Variants in HDLBP observed in about 807,000 individuals in gnomAD.
HDLBP encodes high density lipoprotein binding protein, also known as vigilin.
A neutral mutation model predicts 137.3 loss-of-function variants in HDLBP; 30 were observed. The observed-to-expected ratio is 0.22, with a 90% CI of 0.16 to 0.30. HDLBP has a LOEUF of 0.30. Ranked by LOEUF, HDLBP falls within the 10% of genes least tolerant of loss-of-function variation. The pLI, the probability that HDLBP is intolerant of heterozygous loss-of-function variation, is 1.00. For missense variants in HDLBP, 1,119 were observed against 1,667.3 expected (o/e 0.67, Z 5.73); for synonymous variants, 606 against 596.0 (o/e 1.02, Z -0.24).
At position 241,255,369 on chromosome 2, in the gene HDLBP, G is replaced by A. The variant is rs774540981; in HGVS notation, c.1080+5C>T. 7 of 1,613,094 alleles carry A rather than the reference G, an allele frequency of 4.3e-6. No individual in the cohort carries two copies. In the East Asian group the frequency reaches 1.6e-4, roughly 36 times the overall value. On this transcript the variant is annotated splice_donor_5th_base_variant and intron_variant, in intron 8 of 27. Transcript: ENST00000310931. ...GAGACACACTTCATGCTCGGAGGCA[G>A]TTACCTTGGCATAGACTTCAGTCAA...
At chr2:241,232,598 A>G (rs1052379171) in intron 24 of HDLBP, among the ~76,000 whole-genome samples, 17 of 152,090 alleles carry the variant, frequency 1.1e-4, no homozygotes, top group Admixed American at 7.9e-4. Context: ...TAAGATTGAT[A>G]ATTATATAGA....
intron 1 of HDLBP, among the ~76,000 whole-genome samples, chr2:241,297,403 A>C (rs191614139): frequency 6.6e-6 from 1 of 152,352 alleles, no homozygotes; most frequent in African/African-American, 2.4e-5. Flanking sequence ...GAGAAACTAG[A>C]ATAAACCCTG....
intron 1 of HDLBP, among the ~76,000 whole-genome samples, chr2:241,296,798 A>T (rs2075198139): frequency 6.6e-6 from 1 of 152,254 alleles, no homozygotes; most frequent in African/African-American, 2.4e-5. Flanking sequence ...CATAACAAAA[A>T]ATAGAAATAT....
At chr2:241,265,457 T>TC (rs549788633) in intron 3 of HDLBP, among the ~76,000 whole-genome samples, 1 of 152,106 alleles carries the variant, frequency 6.6e-6, no homozygotes, top group African/African-American at 2.4e-5. Flanking sequence ...ACCGCTGATC[T>TC]CCCCCTGCCC....
chr2:241,247,968 G>A, intron 14 of HDLBP, 35 bp downstream of exon 14: 1 of 1,443,730 alleles, frequency 6.9e-7, no homozygotes, highest in Non-Finnish European at 9.8e-7. Flanking sequence ...CACCCCAGGT[G>A]CTGTCATACA....
At chr2:241,289,432 T>G (rs2074936669) in intron 1 of HDLBP, among the ~76,000 whole-genome samples, 1 of 152,162 alleles carries the variant, frequency 6.6e-6, no homozygotes, top group Non-Finnish European at 1.5e-5. Flanking sequence ...AATTCAACAT[T>G]AAACTGCACG....
intron 5 of HDLBP, among the ~76,000 whole-genome samples, chr2:241,257,605 A>C (rs901036971): frequency 6.6e-6 from 1 of 152,228 alleles, no homozygotes; most frequent in Non-Finnish European, 1.5e-5. Flanking sequence ...AGCCCAACAC[A>C]AGGTGGAGTA....
At chr2:241,278,453 C>A (rs2074478820) in intron 1 of HDLBP, among the ~76,000 whole-genome samples, 1 of 152,044 alleles carries the variant, frequency 6.6e-6, no homozygotes, top group South Asian at 2.1e-4. Flanking sequence ...CATGGTGGCA[C>A]ATGCCTGTAC....
At chr2:241,298,996 C>T (rs539323482) in intron 1 of HDLBP, among the ~76,000 whole-genome samples, 5 of 152,244 alleles carry the variant, frequency 3.3e-5, no homozygotes, top group South Asian at 4.2e-4. Context: ...AAGGCGGCAA[C>T]GCATTCATGT....
In HDLBP at chr2:241,230,309, C is replaced by T. The variant is rs199526950; in HGVS notation, c.3475-40G>A. The T allele has an allele frequency of 9.4e-5, 114 of 1,217,402 alleles. No homozygotes were observed. The highest frequency in any genetic ancestry group is 6.1e-4 in the Admixed American group (27 of 44,306). The allele number at this position is 1,217,402 out of a possible 1,614,324, so 75.4% of individuals were successfully genotyped here. Reference sequence around the variant, plus strand: ...CAACGTCAGATGAGGGGACTCCAAGCGAGGAAAAGGGTTAAAATTATGTGT... The same window carrying T: ...CAACGTCAGATGAGGGGACTCCAAGTGAGGAAAAGGGTTAAAATTATGTGT... On this transcript the variant is annotated intron_variant, in intron 25 of 27. Coordinates refer to ENST00000310931, the MANE Select transcript of HDLBP (RefSeq NM_005336.6). The surrounding 1 kb of genome is among the most constrained non-coding windows in gnomAD (Gnocchi z 5.0).
At chr2:241,261,641 T>A (rs2073195893) in intron 5 of HDLBP, among the ~76,000 whole-genome samples, 1 of 152,218 alleles carries the variant, frequency 6.6e-6, no homozygotes, top group African/African-American at 2.4e-5. Flanking sequence ...TGGAAAACTT[T>A]CAGAGCCTAT....
chr2:241,286,453 G>T (rs1362850998), intron 1 of HDLBP, among the ~76,000 whole-genome samples: 1 of 152,200 alleles, frequency 6.6e-6, no homozygotes, highest in Non-Finnish European at 1.5e-5. Flanking sequence ...TCCAAAGAAT[G>T]CAACCATTTG....
In HDLBP at chr2:241,242,613, C is replaced by T. The variant is rs1359560797; in HGVS notation, c.2016G>A (p.Lys672=). 2.5e-6 allele frequency: 4 copies of T among 1,614,086 alleles called. No individual in the cohort carries two copies. In the Admixed American group the frequency reaches 6.7e-5, roughly 27 times the overall value. Residue 672 remains lysine (K), a synonymous_variant, in exon 17 of 28, where the codon AAG becomes AAA. Transcript: ENST00000310931. ...AKLHNSLIGT[K]GRLIRSIMEE... is the part of the protein sequence containing the mutation. ...CCATGATGGAGCGGATCAGACGGCC[C>T]TTGGTGCCAATGAGGGAGTTGTGCA...
intron 1 of HDLBP, among the ~76,000 whole-genome samples, chr2:241,302,079 C>T (rs2149696912): frequency 6.9e-6 from 1 of 145,506 alleles, no homozygotes; most frequent in East Asian, 2.0e-4. Flanking sequence ...CCCACAACTC[C>T]CATCTCTACA....
intron 1 of HDLBP, among the ~76,000 whole-genome samples, chr2:241,283,552 G>T (rs540790889): frequency 6.6e-6 from 1 of 151,250 alleles, no homozygotes; most frequent in East Asian, 2.0e-4. Flanking sequence ...TCTGCTCAGT[G>T]TAACCTCTGC....
intron 11 of HDLBP, among the ~76,000 whole-genome samples, chr2:241,252,731 G>A (rs905078769): frequency 6.6e-6 from 1 of 152,240 alleles, no homozygotes; most frequent in Non-Finnish European, 1.5e-5. Flanking sequence ...ATTTCCAAAA[G>A]TGACAATTCA....
intron 23 of HDLBP, among the ~76,000 whole-genome samples, chr2:241,234,171 A>G (rs773492192): frequency 6.6e-6 from 1 of 152,200 alleles, no homozygotes; most frequent in Non-Finnish European, 1.5e-5. Flanking sequence ...GCTGCTCCAC[A>G]AGGAGGTCTA....
chr2:241,244,877 G>A (rs1030308241), intron 16 of HDLBP, among the ~76,000 whole-genome samples: 1 of 152,246 alleles, frequency 6.6e-6, no homozygotes, highest in East Asian at 1.9e-4. Flanking sequence ...ATGACATCAT[G>A]GTGGCTGAGC....
At chr2:241,303,590 C>A (rs1302785055) in intron 1 of HDLBP, among the ~76,000 whole-genome samples, 1 of 152,166 alleles carries the variant, frequency 6.6e-6, no homozygotes. Context: ...TTTGTTAATC[C>A]AAGCACATGC....
Sources: gnomAD v4.1 joint callset for allele counts (sites outside exome capture counted in the v4.1 genomes callset) on GRCh38, gnomAD v4.1.1 for gene constraint, Gnocchi (gnomAD v3.1) non-coding constraint, MANE v1.5 for transcripts, NCBI Gene and HGNC (gene_info 2026-07-23, HGNC 2026-07-21) for gene names.